AAK1: variants seen among roughly 807,000 people sequenced by gnomAD.
AAK1 encodes AP2-associated protein kinase 1.
AAK1 carries 37 observed loss-of-function variants against 116.0 expected under a neutral mutation model. That is an observed-to-expected ratio of 0.32 (90% CI 0.25 to 0.42). The LOEUF is 0.42. Among genes scored for constraint, AAK1 ranks in the 10% least tolerant of loss-of-function variants. The pLI, the probability that AAK1 is intolerant of heterozygous loss-of-function variation, is 1.00. For synonymous variants in AAK1, 458 were observed against 439.9 expected, an observed-to-expected ratio of 1.04 and a Z score of -0.51; for missense variants, 919 against 1,170.6, an observed-to-expected ratio of 0.79 and a Z score of 3.14.
intron 2 of AAK1, among the ~76,000 whole-genome samples, chr2:69,616,905 AC>A (rs1475795436): frequency 6.6e-6 from 1 of 152,008 alleles, no homozygotes; most frequent in Non-Finnish European, 1.5e-5. Flanking sequence ...CCTTTTTCTA[AC>A]CCCAAGTTCC....
intron 16 of AAK1, among the ~76,000 whole-genome samples, chr2:69,497,963 C>A (rs1188785200): frequency 6.6e-6 from 1 of 152,128 alleles, no homozygotes; most frequent in East Asian, 1.9e-4. Context: ...GCCGATGTCA[C>A]CCATACCTCT....
At chr2:69,591,578 T>C (rs1326250061) in intron 2 of AAK1, among the ~76,000 whole-genome samples, 4 of 138,646 alleles carry the variant, frequency 2.9e-5, no homozygotes, top group Admixed American at 2.2e-4. Flanking sequence ...TGGAGTGCAG[T>C]GGCGTGATCT....
intron 2 of AAK1, among the ~76,000 whole-genome samples, chr2:69,557,694 C>T (rs185097203): frequency 1.8e-4 from 27 of 152,280 alleles, no homozygotes; most frequent in Admixed American, 3.3e-4. Flanking sequence ...AATACAGAGG[C>T]TCAAAGACAT....
intron 3 of AAK1, among the ~76,000 whole-genome samples, chr2:69,546,109 T>TC (rs201572076): frequency 2.8e-4 from 42 of 151,156 alleles, no homozygotes; most frequent in Non-Finnish European, 5.2e-4. Context: ...TTTTTTTTTT[T>TC]CCCCCTGGCA....
rs944672338 is a variant in AAK1 at position 69,468,545 on chromosome 2, GA to G, written c.*7323del. 4.1e-6 allele frequency: 4 copies of G among 985,008 alleles called. No homozygotes were observed. The East Asian group carries it at 3.4e-4, about 84-fold the overall frequency. 61.0% of individuals were successfully genotyped at this position (985,008 alleles called of 1,614,324 possible). A position where few individuals can be genotyped will look rare whatever the true frequency, so the allele number is the denominator to read the frequency against. On this transcript the variant is annotated 3_prime_UTR_variant, in exon 22 of 22. Coordinates refer to ENST00000409085, the MANE Select transcript of AAK1 (RefSeq NM_014911.5). Reference sequence around the variant, plus strand: ...GCAGGAGAGCAAAATATCTCTTAGGGAAAAAAAATGGAAAACTTAGTCAAGC... The same window carrying G: ...GCAGGAGAGCAAAATATCTCTTAGGGAAAAAAATGGAAAACTTAGTCAAGC...
At chr2:69,551,760 T>A (rs1190537512) in intron 3 of AAK1, among the ~76,000 whole-genome samples, 1 of 152,208 alleles carries the variant, frequency 6.6e-6, no homozygotes, top group African/African-American at 2.4e-5. Context: ...ACCCTCCAAA[T>A]GTCCATCAGA....
At chr2:69,526,143 C>T (rs1572925328) in intron 9 of AAK1, among the ~76,000 whole-genome samples, 1 of 152,184 alleles carries the variant, frequency 6.6e-6, no homozygotes, top group Non-Finnish European at 1.5e-5. Context: ...CTTTGCCCTC[C>T]TTCCTTTAAA....
At chr2:69,568,060 G>A (rs1222442851) in intron 2 of AAK1, among the ~76,000 whole-genome samples, 3 of 152,150 alleles carry the variant, frequency 2.0e-5, no homozygotes, top group African/African-American at 7.2e-5. Context: ...GAGGTCAGCC[G>A]GAGGGAGCAG....
intron 13 of AAK1, among the ~76,000 whole-genome samples, chr2:69,512,828 G>A (rs1167518515): frequency 1.3e-5 from 2 of 152,200 alleles, no homozygotes; most frequent in African/African-American, 2.4e-5. Context: ...GAGAAGCATA[G>A]GGGAACCTCA....
At chr2:69,556,210 C>T (rs1411222342) in intron 3 of AAK1, among the ~76,000 whole-genome samples, 1 of 152,106 alleles carries the variant, frequency 6.6e-6, no homozygotes, top group African/African-American at 2.4e-5. Flanking sequence ...AGAACATTTC[C>T]ACGGCCTAGA....
intron 5 of AAK1, among the ~76,000 whole-genome samples, chr2:69,533,643 G>A (rs1007696980): frequency 6.6e-6 from 1 of 152,078 alleles, no homozygotes; most frequent in African/African-American, 2.4e-5. Flanking sequence ...ACATTCCTTG[G>A]AACTTAATCT....
At chr2:69,581,507 G>A (rs999551301) in intron 2 of AAK1, among the ~76,000 whole-genome samples, 3 of 152,128 alleles carry the variant, frequency 2.0e-5, no homozygotes, top group Non-Finnish European at 2.9e-5. Flanking sequence ...CTCTAAATAC[G>A]TTTGAAAATG....
chr2:69,622,792 G>A (rs1321284013), intron 2 of AAK1, among the ~76,000 whole-genome samples: 3 of 152,144 alleles, frequency 2.0e-5, no homozygotes, highest in Non-Finnish European at 2.9e-5. Context: ...CTCAGGGTTT[G>A]TAAATACACC....
intron 18 of AAK1, chr2:69,482,288 G>T (rs1003551099): frequency 2.8e-5 from 9 of 324,842 alleles, no homozygotes; most frequent in African/African-American, 4.4e-5. Context: ...GGAGATGGAG[G>T]TTGCAGTGAG....
intron 2 of AAK1, among the ~76,000 whole-genome samples, chr2:69,638,206 C>G (rs1189652583): frequency 6.6e-6 from 1 of 152,208 alleles, no homozygotes; most frequent in Admixed American, 6.5e-5. Context: ...AACTAAATCT[C>G]TCTGCCTGGC....
At chr2:69,518,399 TA>T (rs1284885032) in intron 12 of AAK1, among the ~76,000 whole-genome samples, 19 of 148,116 alleles carry the variant, frequency 1.3e-4, no homozygotes, top group East Asian at 3.9e-4. Flanking sequence ...AAGCAGTCCT[TA>T]AAAAAAAATA....
Position 69,643,087 on chromosome 2 carries a change from T to TC in AAK1, c.-48_-47insG, listed in dbSNP as rs1436180476. On this transcript the variant is annotated 5_prime_UTR_variant, in exon 2 of 22. Transcript: ENST00000409085. ...AGCAAAATACCGATGGTTTCTAGATTTTTTTTTTTTTTTTTTTTTTTTAAG... is the reference window on the plus strand; with the variant it reads ...AGCAAAATACCGATGGTTTCTAGATTCTTTTTTTTTTTTTTTTTTTTTTAAG... 6.5e-6 allele frequency: 3 copies of TC among 463,882 alleles called. No homozygotes were observed. Among genetic ancestry groups the TC allele is most frequent in the Non-Finnish European group, 1.0e-5 (3 of 294,764 alleles). The allele number at this position is 463,882 out of a possible 1,614,324, so 28.7% of individuals were successfully genotyped here.
rs754457211 is a variant in AAK1 at position 69,489,356 on chromosome 2, CAGG to C, written c.2366-6547_2366-6545del. Reference sequence around the variant, plus strand: ...ATCTGAGCTACTCGGGGGGCTGAGGCAGGAGAATTGCTTGAAGCCAGGAGGCAG... The same window carrying C: ...ATCTGAGCTACTCGGGGGGCTGAGGCAGAATTGCTTGAAGCCAGGAGGCAG... On this transcript the variant is annotated intron_variant, in intron 17 of 21. Coordinates refer to ENST00000409085, the MANE Select transcript of AAK1 (RefSeq NM_014911.5). 9.4e-5 allele frequency among the ~76,000 whole-genome samples: 14 copies of C among 149,544 alleles called. No individual in the cohort carries two copies. The East Asian group carries it at 2.0e-3, about 21-fold the overall frequency.
intron 2 of AAK1, among the ~76,000 whole-genome samples, chr2:69,641,700 T>C (rs72837990): frequency 0.016 from 2,456 of 152,222 alleles, 40 homozygotes; most frequent in Middle Eastern, 0.034. Context: ...ACATCCACCA[T>C]GGTAAGCATT....
Sources: allele counts gnomAD v4.1 joint callset (sites outside exome capture counted in the v4.1 genomes callset), GRCh38; gene constraint gnomAD v4.1.1; transcripts MANE v1.5; gene names NCBI Gene and HGNC (gene_info 2026-07-23, HGNC 2026-07-21).